IL1R2: variants seen among roughly 807,000 people sequenced by gnomAD.
IL1R2 encodes the protein interleukin-1 receptor type 2.
A neutral mutation model predicts 39.5 loss-of-function variants in IL1R2; 46 were observed. The ratio of observed to expected loss-of-function variants is 1.16; its 90% CI spans 0.92 to 1.49. The LOEUF is 1.49. IL1R2 is among the 40% of genes most tolerant of loss of function. The pLI, the probability that IL1R2 is intolerant of heterozygous loss-of-function variation, is 0.00. For missense variants in IL1R2, 537 were observed against 502.0 expected (o/e 1.07, Z -0.67); for synonymous variants, 207 against 189.6 (o/e 1.09, Z -0.75).
chr2:101,993,216 G>A (rs1675431311), intron 1 of IL1R2, among the ~76,000 whole-genome samples: 1 of 152,150 alleles, frequency 6.6e-6, no homozygotes, highest in Non-Finnish European at 1.5e-5. Flanking sequence ...TCTGGGAGAG[G>A]TAGTAGAGTG....
intron 2 of IL1R2, among the ~76,000 whole-genome samples, chr2:102,009,283 C>T (rs763817941): frequency 5.9e-5 from 9 of 152,028 alleles, no homozygotes; most frequent in Non-Finnish European, 1.2e-4. Flanking sequence ...TTTTTGTCAC[C>T]GTAGAAACCT....
chr2:102,023,731 C>T (rs1028542189), intron 6 of IL1R2: 2 of 152,150 alleles, frequency 1.3e-5, no homozygotes, highest in African/African-American at 4.8e-5. Flanking sequence ...TGCACAACTG[C>T]AGAGGGCACC....
intron 6 of IL1R2, among the ~76,000 whole-genome samples, chr2:102,024,233 G>A (rs536647184): frequency 6.6e-6 from 1 of 152,280 alleles, no homozygotes; most frequent in South Asian, 2.1e-4. Flanking sequence ...AGGGGCAGAG[G>A]AAGTCGGCTT....
intron 5 of IL1R2, among the ~76,000 whole-genome samples, chr2:102,021,355 A>C (rs971682275): frequency 2.3e-5 from 3 of 129,296 alleles, no homozygotes; most frequent in African/African-American, 9.1e-5. Context: ...TCGCTCTGCC[A>C]CCCAGGCTGG....
chr2:102,015,952 C>T lies in IL1R2; in HGVS notation c.414C>T (p.Tyr138=), dbSNP rs150767253. 51 of 1,613,824 alleles carry T rather than the reference C, an allele frequency of 3.2e-5. No individual in the cohort carries two copies. In the African/African-American group the frequency reaches 3.6e-4, roughly 11 times the overall value. ...NTDAFLPFIS[Y]PQILTLSTSG... ...ATGCTTTCCTGCCGTTCATCTCATA[C>T]CCGCAAATTTTAACCTTGTCAACCT... Residue 138 remains tyrosine (Y), a synonymous_variant, in exon 4 of 9, where the codon TAC becomes TAT. Transcript: ENST00000332549.
rs761487146 is a variant in IL1R2, at chr2:102,018,366, T to C, written c.514-1272T>C. On this transcript the variant is annotated intron_variant, in intron 4 of 8. Coordinates refer to ENST00000332549, the MANE Select transcript of IL1R2 (RefSeq NM_004633.4). ...GAAACTCTGTTCCTTCTCTGATCTGTTGTGCAGCCGTGGCCGAGTGACTCC... is the reference window on the plus strand; with the variant it reads ...GAAACTCTGTTCCTTCTCTGATCTGCTGTGCAGCCGTGGCCGAGTGACTCC... 2.4e-4 allele frequency among the ~76,000 whole-genome samples: 37 copies of C among 152,236 alleles called. 1 individual carries two copies. Among genetic ancestry groups the C allele is most frequent in the Admixed American group, 2.0e-3 (30 of 15,280 alleles).
intron 7 of IL1R2, among the ~76,000 whole-genome samples, chr2:102,025,240 T>G (rs144729987): frequency 2.1e-4 from 32 of 152,378 alleles, no homozygotes; most frequent in African/African-American, 7.2e-4. Context: ...GGGAGACCAT[T>G]CAACATTCCA....
At chr2:102,010,942 CTA>C (rs1362196174) in intron 3 of IL1R2, among the ~76,000 whole-genome samples, 1 of 152,172 alleles carries the variant, frequency 6.6e-6, no homozygotes, top group Non-Finnish European at 1.5e-5. Flanking sequence ...CTTTCCGACT[CTA>C]TGATTTTGAC....
At chr2:102,011,018 A>C (rs1676596099) in intron 3 of IL1R2, among the ~76,000 whole-genome samples, 1 of 152,210 alleles carries the variant, frequency 6.6e-6, no homozygotes, top group South Asian at 2.1e-4. Flanking sequence ...GAATTATTTC[A>C]CTTAGCATAG....
chr2:102,008,436 C>A (rs1676397692), intron 1 of IL1R2, 79 bp from the exon 2 acceptor site: 2 of 708,698 alleles, frequency 2.8e-6, no homozygotes, highest in Middle Eastern at 4.0e-4. Context: ...AGCTTCCAGA[C>A]CCTGCCCCTA....
chr2:102,004,908 G>A (rs1184182005), intron 1 of IL1R2, among the ~76,000 whole-genome samples: 2 of 152,212 alleles, frequency 1.3e-5, no homozygotes. Flanking sequence ...GATGGTGGTG[G>A]GGGTAGATGA....
chr2:102,021,610 G>A (rs1390647535), intron 5 of IL1R2, among the ~76,000 whole-genome samples: 3 of 152,164 alleles, frequency 2.0e-5, no homozygotes, highest in African/African-American at 7.2e-5. Flanking sequence ...CACTGCACCC[G>A]GCCACCTCCT....
chr2:102,027,917 T>C (rs1197589591), intron 8 of IL1R2, among the ~76,000 whole-genome samples: 1 of 152,138 alleles, frequency 6.6e-6, no homozygotes, highest in Non-Finnish European at 1.5e-5. Flanking sequence ...AACTGTGACA[T>C]AAACAGACAG....
chr2:101,996,079 G>GC (rs1319645288), intron 1 of IL1R2, among the ~76,000 whole-genome samples: 1 of 150,210 alleles, frequency 6.7e-6, no homozygotes, highest in Non-Finnish European at 1.5e-5. Context: ...ATCGGCACTT[G>GC]TTTTTCTCAG....
chr2:102,011,255 C>A (rs968661553), intron 3 of IL1R2, among the ~76,000 whole-genome samples: 1 of 152,134 alleles, frequency 6.6e-6, no homozygotes, highest in Non-Finnish European at 1.5e-5. Context: ...GTATAGACCC[C>A]AAAGAGGAAC....
chr2:102,008,319 T>C lies in IL1R2; in HGVS notation c.-61-196T>C, dbSNP rs140338399. ...AGCACGCCTCTAGGTGCTACAAGGA[T>C]TCGACTTTAGATATGTTCAGTGAAT... On this transcript the variant is annotated intron_variant, in intron 1 of 8. Coordinates refer to ENST00000332549, the MANE Select transcript of IL1R2 (RefSeq NM_004633.4). Among the ~76,000 whole-genome samples the C allele has an allele frequency of 3.0e-3, 464 of 152,326 alleles. 1 individual carries two copies. Among genetic ancestry groups the C allele is most frequent in the Non-Finnish European group, 5.4e-3 (369 of 68,024 alleles).
At position 101,999,516 on chromosome 2, in the gene IL1R2, G is replaced by A. The variant is rs779763335; in HGVS notation, c.-62+7505G>A. On this transcript the variant is annotated intron_variant, in intron 1 of 8. Coordinates refer to ENST00000332549, the MANE Select transcript of IL1R2 (RefSeq NM_004633.4). ...GTTCAGTGGTTGTCTGCTATGACTCGATGCTTTAGAAACTGAAGCTGTATC... is the reference window on the plus strand; with the variant it reads ...GTTCAGTGGTTGTCTGCTATGACTCAATGCTTTAGAAACTGAAGCTGTATC... 4.0e-4 allele frequency among the ~76,000 whole-genome samples: 61 copies of A among 152,214 alleles called. 1 individual carries two copies. The highest frequency in any genetic ancestry group is 1.3e-3 in the African/African-American group (53 of 41,450).
intron 5 of IL1R2, among the ~76,000 whole-genome samples, chr2:102,020,296 C>T (rs1470156274): frequency 1.3e-5 from 2 of 152,302 alleles, no homozygotes; most frequent in East Asian, 3.9e-4. Context: ...CCCTTAATAG[C>T]AATATTTCAA....
At chr2:102,012,038 CCTT>C (rs1416732115) in intron 3 of IL1R2, among the ~76,000 whole-genome samples, 1 of 152,180 alleles carries the variant, frequency 6.6e-6, no homozygotes, top group Non-Finnish European at 1.5e-5. Flanking sequence ...ATGTCCTACT[CCTT>C]CTTGATGGAT....
Sources: allele counts gnomAD v4.1 joint callset (sites outside exome capture counted in the v4.1 genomes callset), GRCh38; gene constraint gnomAD v4.1.1; transcripts MANE v1.5; gene names NCBI Gene and HGNC (gene_info 2026-07-23, HGNC 2026-07-21).